The following TNS4 variants were observed in gnomAD, a reference collection of about 807,000 sequenced individuals.
TNS4 encodes tensin 4, also known as tensin-4.
In TNS4, 46 loss-of-function variants were observed where a neutral mutation model predicts 70.4. The ratio of observed to expected loss-of-function variants is 0.65; its 90% CI spans 0.52 to 0.84. The LOEUF (loss-of-function observed/expected upper bound fraction) is 0.84, where lower values mean the gene tolerates loss of function less well. Ranked by LOEUF, TNS4 falls within the 40% of genes least tolerant of loss-of-function variation. The pLI is 0.00. For synonymous variants in TNS4, 390 were observed against 366.6 expected (o/e 1.06, Z -0.73); for missense variants, 863 against 907.0 (o/e 0.95, Z 0.62).
chr17:40,492,883 A>G (rs1337124730), intron 2 of TNS4, among the ~76,000 whole-genome samples: 1 of 151,902 alleles, frequency 6.6e-6, no homozygotes, highest in East Asian at 1.9e-4. Flanking sequence ...CGTCTCTACT[A>G]AAAATACAAA....
At chr17:40,480,506 G>A (rs889796400) in intron 9 of TNS4, among the ~76,000 whole-genome samples, 194 bp downstream of exon 9, 1 of 152,052 alleles carries the variant, frequency 6.6e-6, no homozygotes, top group African/African-American at 2.4e-5. Context: ...TTCCCTGCTG[G>A]CCTCTCATCT....
intron 8 of TNS4, 58 bp from the exon 9 acceptor site, chr17:40,480,826 C>T (rs1393807604): frequency 1.9e-6 from 3 of 1,571,088 alleles, no homozygotes; most frequent in Middle Eastern, 1.7e-4. Context: ...TGAATGGACC[C>T]CTCTCACAGG....
chr17:40,490,105 AG>A (rs1334243669), intron 2 of TNS4, among the ~76,000 whole-genome samples: 1 of 152,202 alleles, frequency 6.6e-6, no homozygotes, highest in Non-Finnish European at 1.5e-5. Context: ...GCTTTGGAGC[AG>A]GCACTCCCTG....
rs1352887924 is a variant in TNS4, at chr17:40,478,596, C to G, written c.1963G>C (p.Asp655His). The change falls in exon 11 of 13, where the codon GAC becomes CAC. Residue 655 changes from aspartate to histidine, a missense_variant. Physicochemically the swap from Asp to His is moderately conservative, Grantham distance 81. Coordinates refer to ENST00000254051, the MANE Select transcript of TNS4 (RefSeq NM_032865.6). Reference sequence around the variant, plus strand: ...TGAACTTACTTCCGTTGCTCAGGGTCCATACCACAGAAGCGGAGGGTGGTG... The same window carrying G: ...TGAACTTACTTCCGTTGCTCAGGGTGCATACCACAGAAGCGGAGGGTGGTG... ...PLTTLRFCGM[D>H]PEQRKWQKYC... 8 of 1,614,066 alleles carry G rather than the reference C, an allele frequency of 5.0e-6. No individual in the cohort carries two copies. In the Admixed American group the frequency reaches 1.0e-4, roughly 20 times the overall value.
chr17:40,480,684 T>C lies in TNS4; in HGVS notation c.1741+16A>G. ...GGCACAGCCAAGCTTGGCGCCTCCC[T>C]TCCTGTACCACTCACCCGCAGATTT... On this transcript the variant is annotated intron_variant, in intron 9 of 12. Coordinates refer to ENST00000254051, the MANE Select transcript of TNS4 (RefSeq NM_032865.6). 2 of 1,536,178 alleles carry C rather than the reference T, an allele frequency of 1.3e-6. No individual in the cohort carries two copies. Among genetic ancestry groups the C allele is most frequent in the Non-Finnish European group, 1.7e-6 (2 of 1,147,290 alleles).
chr17:40,500,100 C>T (rs1253666677), intron 1 of TNS4, among the ~76,000 whole-genome samples: 1 of 152,090 alleles, frequency 6.6e-6, no homozygotes, highest in Non-Finnish European at 1.5e-5. Context: ...AGGAATTTGC[C>T]CAAGGTCATA....
intron 12 of TNS4, chr17:40,478,083 T>C: frequency 1.6e-6 from 1 of 630,382 alleles, no homozygotes; most frequent in East Asian, 2.7e-5. Context: ...AGTTAGAGCC[T>C]GTGCCTCTTG....
At chr17:40,484,701 A>G in intron 5 of TNS4, 92 bp from the exon 6 acceptor site, 1 of 1,557,392 alleles carries the variant, frequency 6.4e-7, no homozygotes, top group Non-Finnish European at 8.7e-7. Flanking sequence ...GATGTTACAG[A>G]GTCACCTTTT....
intron 1 of TNS4, among the ~76,000 whole-genome samples, chr17:40,498,794 C>T (rs745314146): frequency 6.6e-6 from 1 of 152,180 alleles, no homozygotes; most frequent in Non-Finnish European, 1.5e-5. Context: ...AGTGCTCCTC[C>T]TTCCTCGGCC....
intron 2 of TNS4, among the ~76,000 whole-genome samples, chr17:40,492,929 C>T (rs1195332140): frequency 2.6e-5 from 4 of 152,084 alleles, no homozygotes. Context: ...CACCTGTAAT[C>T]CCTGCTACTC....
In TNS4 at chr17:40,496,237, AG is replaced by A; in HGVS notation, c.188del (p.Pro63LeufsTer46). 6.3e-7 allele frequency: 1 copy of A among 1,594,776 alleles called. No homozygotes were observed. The highest frequency in any genetic ancestry group is 8.5e-7 in the Non-Finnish European group (1 of 1,171,114). ...CCTGTGGGGCTTGCTGGAGTCGGCC[AG>A]GGGGCCCCATGCAGGGCACGGGGGC... ...LMAPVPCMGPPGRLQQAPQVE... is the reference protein window; with the variant it reads ...LMAPVPCMGPXGRLQQAPQVE... On this transcript the variant is annotated frameshift_variant, in exon 2 of 13. Coordinates refer to ENST00000254051, the MANE Select transcript of TNS4 (RefSeq NM_032865.6). LOFTEE classifies it high-confidence loss of function.
rs1385657224 is a variant in TNS4, at chr17:40,496,124, G to A, written c.302C>T (p.Ser101Leu). 6.2e-7 allele frequency: 1 copy of A among 1,610,502 alleles called. No homozygotes were observed. The highest frequency in any genetic ancestry group is 8.5e-7 in the Non-Finnish European group (1 of 1,178,714). The change falls in exon 2 of 13, where the codon TCA becomes TTA. Residue 101 changes from serine to leucine, a missense_variant. Ser to Leu is a moderately radical substitution (Grantham distance 145). Transcript: ENST00000254051. ...PEDLDSYIDF[S>L]LESLNQMILE... ...GATCATCTGATTGAGGCTCTCCAGT[G>A]AGAAGTCAATGTAGGAGTCAAGGTC...
chr17:40,479,922 G>A (rs994449033), intron 9 of TNS4, 80 bp from the exon 10 acceptor site: 156 of 1,469,902 alleles, frequency 1.1e-4, no homozygotes, highest in Non-Finnish European at 1.3e-4. Flanking sequence ...GGGAGGGGGT[G>A]AGTCTCCTGT....
intron 2 of TNS4, among the ~76,000 whole-genome samples, chr17:40,491,803 G>A (rs1344738493): frequency 6.6e-6 from 1 of 152,166 alleles, no homozygotes; most frequent in East Asian, 1.9e-4. Flanking sequence ...GGTGGGTGCC[G>A]GCGCCAGCCC....
At chr17:40,484,020 G>A (rs2035959922) in intron 6 of TNS4, among the ~76,000 whole-genome samples, 1 of 152,164 alleles carries the variant, frequency 6.6e-6, no homozygotes, top group South Asian at 2.1e-4. Flanking sequence ...ATAGATGTTT[G>A]CTATCAAATA....
At chr17:40,480,927 C>T in intron 8 of TNS4, 159 bp from the exon 9 acceptor site, 1 of 778,796 alleles carries the variant, frequency 1.3e-6, no homozygotes, top group South Asian at 1.8e-5. Context: ...CGTAATTAGG[C>T]AAACAGGCCA....
chr17:40,499,511 A>G (rs921193187), intron 1 of TNS4, among the ~76,000 whole-genome samples: 7 of 152,218 alleles, frequency 4.6e-5, no homozygotes, highest in African/African-American at 1.7e-4. Context: ...GAGAGGGGGC[A>G]TGATTGGCTG....
chr17:40,484,511 C>T lies in TNS4; in HGVS notation c.1474G>A (p.Val492Ile). 1 of 1,612,148 alleles carries T rather than the reference C, an allele frequency of 6.2e-7. No homozygotes were observed. Among genetic ancestry groups the T allele is most frequent in the Non-Finnish European group, 8.5e-7 (1 of 1,180,008 alleles). ...GGTCGACTCTGAGCAGACGCGGGAA[C>T]CTCCTGCACCTTCAGGGCCAGGCCG... is the stretch of plus-strand genomic sequence containing the variant. ...SFGLALKVQE[V>I]PASAQSRPGE... Residue 492 changes from valine to isoleucine, a missense_variant, in exon 6 of 13, where the codon GTT becomes ATT. By Grantham distance (29) the Val-to-Ile change is conservative. Transcript: ENST00000254051.
chr17:40,496,115 C>A lies in TNS4; in HGVS notation c.311G>T (p.Ser104Ile), dbSNP rs1436804934. 1.2e-6 allele frequency: 2 copies of A among 1,610,822 alleles called. No individual in the cohort carries two copies. The highest frequency in any genetic ancestry group is 3.4e-5 in the Admixed American group (2 of 59,262). Residue 104 changes from serine to isoleucine, a missense_variant, in exon 2 of 13, where the codon AGC becomes ATC. By Grantham distance (142) the Ser-to-Ile change is moderately radical. Transcript: ENST00000254051. ...LDSYIDFSLE[S>I]LNQMILELDP... ...CAGTTCCAGGATCATCTGATTGAGG[C>A]TCTCCAGTGAGAAGTCAATGTAGGA...
Sources: gnomAD v4.1 joint callset for allele counts (sites outside exome capture counted in the v4.1 genomes callset) on GRCh38, gnomAD v4.1.1 for gene constraint, MANE v1.5 for transcripts, NCBI Gene and HGNC (gene_info 2026-07-23, HGNC 2026-07-21) for gene names.